MS4A4A: variants seen among roughly 807,000 people sequenced by gnomAD.
MS4A4A encodes the protein membrane spanning 4-domains A4A.
Under a neutral mutation model 28.0 loss-of-function variants are expected in MS4A4A, and 26 were observed. The ratio of observed to expected loss-of-function variants is 0.93; its 90% CI spans 0.68 to 1.29. MS4A4A has a LOEUF of 1.29. Among genes scored for constraint, MS4A4A ranks in the 50% most tolerant of loss-of-function variants. The probability of loss-of-function intolerance (pLI) is 0.00; values close to 1 mark genes in which losing one functional copy is unlikely to be tolerated. For missense variants in MS4A4A, 290 were observed against 293.1 expected (o/e 0.99, Z 0.08); for synonymous variants, 86 against 100.8 (o/e 0.85, Z 0.88).
chr11:60,298,778 G>T (rs997783199), intron 3 of MS4A4A, among the ~76,000 whole-genome samples: 4 of 152,312 alleles, frequency 2.6e-5, no homozygotes, highest in African/African-American at 9.6e-5. Context: ...GGAGCCATTT[G>T]TCCGCTGAGA....
chr11:60,292,415 G>A (rs2084865860), intron 2 of MS4A4A, 31 bp downstream of exon 2: 1 of 1,552,266 alleles, frequency 6.4e-7, no homozygotes, highest in Non-Finnish European at 8.7e-7. Context: ...AAGACCAATG[G>A]TGTTGCAAAC....
intron 1 of MS4A4A, among the ~76,000 whole-genome samples, chr11:60,288,997 GT>G (rs1172704107): frequency 1.3e-5 from 2 of 152,158 alleles, no homozygotes; most frequent in Non-Finnish European, 2.9e-5. Flanking sequence ...GCATGGAGCA[GT>G]TCCATGGCAG....
At chr11:60,302,775 G>A (rs1025646357) in intron 5 of MS4A4A, 58 bp downstream of exon 5, 1 of 1,507,940 alleles carries the variant, frequency 6.6e-7, no homozygotes, top group Non-Finnish European at 9.1e-7. Flanking sequence ...GGGAGTGCTG[G>A]CTCTGGCAAA....
intron 3 of MS4A4A, among the ~76,000 whole-genome samples, chr11:60,299,438 A>C (rs954937492): frequency 1.4e-5 from 2 of 147,326 alleles, no homozygotes; most frequent in African/African-American, 5.0e-5. Context: ...ATGTTACAGA[A>C]ATTACAATTC....
intron 5 of MS4A4A, among the ~76,000 whole-genome samples, 168 bp downstream of exon 5, chr11:60,302,885 T>G (rs1477248093): frequency 6.6e-6 from 1 of 152,240 alleles, no homozygotes; most frequent in Non-Finnish European, 1.5e-5. Flanking sequence ...ACATGTCTCA[T>G]CTCTGTCTTT....
chr11:60,281,962 G>T (rs1259310238), intron 1 of MS4A4A, among the ~76,000 whole-genome samples: 1 of 152,132 alleles, frequency 6.6e-6, no homozygotes, highest in Non-Finnish European at 1.5e-5. Context: ...GTCAAGCCCT[G>T]GATGGTAAAC....
chr11:60,308,332 T>G lies in MS4A4A; in HGVS notation c.*154T>G. On this transcript the variant is annotated 3_prime_UTR_variant, in exon 7 of 7. Transcript: ENST00000337908. ...AATCCAATTATGAACTGTGTGTGTA[T>G]AGAGAGATAATAAATTCAAAATTAT... 1 of 598,346 alleles carries G rather than the reference T, an allele frequency of 1.7e-6. No individual in the cohort carries two copies. 37.1% of individuals were successfully genotyped at this position (598,346 alleles called of 1,614,324 possible).
intron 3 of MS4A4A, among the ~76,000 whole-genome samples, chr11:60,299,853 T>G (rs768610420): frequency 2.0e-5 from 3 of 152,178 alleles, no homozygotes; most frequent in African/African-American, 7.2e-5. Flanking sequence ...TAAACATGAA[T>G]AGCAATAAGC....
chr11:60,302,841 AG>A, intron 5 of MS4A4A, 124 bp downstream of exon 5: 1 of 905,690 alleles, frequency 1.1e-6, no homozygotes, highest in South Asian at 1.7e-5. Flanking sequence ...GGAGTGATTG[AG>A]AAATAGAATA....
intron 4 of MS4A4A, 128 bp downstream of exon 4, chr11:60,301,185 T>C (rs2084950365): frequency 2.7e-6 from 2 of 729,032 alleles, no homozygotes; most frequent in Non-Finnish European, 4.2e-6. Context: ...GCATTTTACC[T>C]ACTAGAATCT....
intron 4 of MS4A4A, 44 bp downstream of exon 4, chr11:60,301,101 T>C (rs756263672): frequency 2.8e-6 from 4 of 1,427,508 alleles, no homozygotes; most frequent in South Asian, 2.6e-5. Context: ...AAGGAAGGAT[T>C]AATAAAAAAT....
intron 1 of MS4A4A, among the ~76,000 whole-genome samples, chr11:60,284,130 C>A (rs1057398002): frequency 6.6e-6 from 1 of 152,192 alleles, no homozygotes; most frequent in Non-Finnish European, 1.5e-5. Context: ...ATTACATCAC[C>A]TGGATTTAAA....
intron 3 of MS4A4A, among the ~76,000 whole-genome samples, chr11:60,297,788 C>T (rs924765614): frequency 2.6e-5 from 4 of 152,100 alleles, no homozygotes; most frequent in Non-Finnish European, 4.4e-5. Flanking sequence ...ACGGACTTGC[C>T]ATTATTGGCT....
intron 3 of MS4A4A, 112 bp downstream of exon 3, chr11:60,297,437 G>T: frequency 1.7e-6 from 2 of 1,209,820 alleles, no homozygotes; most frequent in South Asian, 1.6e-5. Context: ...ATCTGAGAGT[G>T]GTATCTAACC....
intron 5 of MS4A4A, 82 bp downstream of exon 5, chr11:60,302,799 A>G (rs1032354585): frequency 7.8e-6 from 10 of 1,288,748 alleles, no homozygotes; most frequent in Non-Finnish European, 6.5e-6. Context: ...AATAATTAAT[A>G]TTCCCTAATT....
chr11:60,306,325 G>A (rs2085001037), intron 6 of MS4A4A, 124 bp downstream of exon 6: 1 of 811,864 alleles, frequency 1.2e-6, no homozygotes, highest in African/African-American at 1.7e-5. Flanking sequence ...TGGTTCAAGA[G>A]TCTGAGCCCA....
At chr11:60,303,142 A>G (rs1410106972) in intron 5 of MS4A4A, among the ~76,000 whole-genome samples, 1 of 152,192 alleles carries the variant, frequency 6.6e-6, no homozygotes, top group Non-Finnish European at 1.5e-5. Flanking sequence ...ATCCTTTCCA[A>G]CATCTTTGGA....
At chr11:60,297,150 C>T in intron 2 of MS4A4A, 47 bp from the exon 3 acceptor site, 3 of 1,608,072 alleles carry the variant, frequency 1.9e-6, no homozygotes, top group Non-Finnish European at 2.5e-6. Context: ...GCGGAAGCAC[C>T]ATTTTTGTGG....
At chr11:60,284,385 G>A (rs2084784884) in intron 1 of MS4A4A, among the ~76,000 whole-genome samples, 1 of 152,102 alleles carries the variant, frequency 6.6e-6, no homozygotes, top group Non-Finnish European at 1.5e-5. Flanking sequence ...AACACTTCCT[G>A]CCACTCAAGG....
Sources: allele counts gnomAD v4.1 joint callset (sites outside exome capture counted in the v4.1 genomes callset), GRCh38; gene constraint gnomAD v4.1.1; transcripts MANE v1.5; gene names NCBI Gene and HGNC (gene_info 2026-07-23, HGNC 2026-07-21).